The following BRINP1 variants were observed in gnomAD, a reference collection of about 807,000 sequenced individuals.
BRINP1 encodes BMP/retinoic acid-inducible neural-specific protein 1.
BRINP1 carries 17 observed loss-of-function variants against 72.9 expected under a neutral mutation model. The observed-to-expected ratio is 0.23, with a 90% CI of 0.16 to 0.35. BRINP1 has a LOEUF of 0.35. BRINP1 is among the 10% of genes least tolerant of loss of function. BRINP1 has a pLI of 1.00. For missense variants in BRINP1, 850 were observed against 1,001.6 expected (o/e 0.85, Z 2.04); for synonymous variants, 418 against 378.5 (o/e 1.10, Z -1.21).
At chr9:119,171,935 G>A (rs1381837928) in intron 7 of BRINP1, among the ~76,000 whole-genome samples, 17 of 127,568 alleles carry the variant, frequency 1.3e-4, no homozygotes, top group African/African-American at 3.6e-4. Context: ...TGAAACCAAC[G>A]AGAACAAAGA....
At chr9:119,241,868 G>C (rs1023287466) in intron 4 of BRINP1, among the ~76,000 whole-genome samples, 179 bp downstream of exon 4, 1 of 152,188 alleles carries the variant, frequency 6.6e-6, no homozygotes, top group African/African-American at 2.4e-5. Flanking sequence ...GAATGACAGT[G>C]CACATTGATA....
intron 7 of BRINP1, among the ~76,000 whole-genome samples, chr9:119,208,131 A>T (rs190076579): frequency 2.4e-4 from 37 of 152,256 alleles, no homozygotes; most frequent in African/African-American, 7.9e-4. Context: ...TACCCGGTAT[A>T]TCCAGGACAT....
chr9:119,323,893 C>A (rs926978369), intron 1 of BRINP1, among the ~76,000 whole-genome samples: 1 of 152,126 alleles, frequency 6.6e-6, no homozygotes, highest in Non-Finnish European at 1.5e-5. Flanking sequence ...TTGTAATATA[C>A]TGAACTAGAC....
chr9:119,263,278 G>A (rs1241509269), intron 2 of BRINP1, among the ~76,000 whole-genome samples: 1 of 152,142 alleles, frequency 6.6e-6, no homozygotes, highest in East Asian at 1.9e-4. Flanking sequence ...AAGCTCCCAG[G>A]TGACTCTTCT....
intron 1 of BRINP1, among the ~76,000 whole-genome samples, chr9:119,332,741 A>C (rs1831312070): frequency 6.6e-6 from 1 of 152,134 alleles, no homozygotes; most frequent in Non-Finnish European, 1.5e-5. Flanking sequence ...TTCCCCACTG[A>C]ACTGCAGGAG....
At chr9:119,217,521 C>T (rs2183965) in intron 5 of BRINP1, among the ~76,000 whole-genome samples, 71,767 of 151,936 alleles carry the variant, frequency 0.47, 17,629 homozygotes, top group Middle Eastern at 0.69. Flanking sequence ...TTCTCCCAAT[C>T]TTTTTATATA....
At chr9:119,366,513 T>G (rs1269089768) in intron 1 of BRINP1, among the ~76,000 whole-genome samples, 3 of 32,922 alleles carry the variant, frequency 9.1e-5, no homozygotes, top group Non-Finnish European at 2.1e-4. Context: ...CGTGTGTGTG[T>G]GTGTGTGTGT....
At chr9:119,306,598 T>TA (rs1831000121) in intron 2 of BRINP1, among the ~76,000 whole-genome samples, 1 of 152,248 alleles carries the variant, frequency 6.6e-6, no homozygotes, top group African/African-American at 2.4e-5. Flanking sequence ...ACACTTGGTC[T>TA]AAGCCGGTTT....
At chr9:119,304,329 T>C (rs1303830871) in intron 2 of BRINP1, among the ~76,000 whole-genome samples, 4 of 152,182 alleles carry the variant, frequency 2.6e-5, no homozygotes, top group African/African-American at 9.7e-5. Context: ...AGGATTCAAA[T>C]TAAGGTCTGC....
chr9:119,175,777 T>TTCAAG (rs1445212341), intron 7 of BRINP1, among the ~76,000 whole-genome samples: 1 of 152,160 alleles, frequency 6.6e-6, no homozygotes, highest in Non-Finnish European at 1.5e-5. Flanking sequence ...CTTTTTTCCA[T>TTCAAG]TCAAGTCACC....
At chr9:119,189,181 T>A (rs1829657702) in intron 7 of BRINP1, among the ~76,000 whole-genome samples, 1 of 151,380 alleles carries the variant, frequency 6.6e-6, no homozygotes, top group African/African-American at 2.4e-5. Context: ...ATTACAGAGA[T>A]ACACAAATGA....
intron 5 of BRINP1, among the ~76,000 whole-genome samples, chr9:119,226,652 T>C (rs1179752738): frequency 1.7e-5 from 2 of 116,012 alleles, no homozygotes; most frequent in Admixed American, 1.0e-4. Context: ...CAAAGCCTAG[T>C]ATCATCTATT....
chr9:119,342,903 T>C (rs1831418619), intron 1 of BRINP1, among the ~76,000 whole-genome samples: 1 of 152,200 alleles, frequency 6.6e-6, no homozygotes, highest in Non-Finnish European at 1.5e-5. Flanking sequence ...AAATCCTAGG[T>C]GTTCTATTAT....
At chr9:119,249,784 CCAGA>C (rs1326643665) in intron 2 of BRINP1, among the ~76,000 whole-genome samples, 1 of 129,026 alleles carries the variant, frequency 7.8e-6, no homozygotes, top group African/African-American at 3.0e-5. Flanking sequence ...CATGATAATG[CCAGA>C]CAGAGAAATA....
At chr9:119,303,884 T>C (rs1830966467) in intron 2 of BRINP1, among the ~76,000 whole-genome samples, 1 of 151,246 alleles carries the variant, frequency 6.6e-6, no homozygotes, top group South Asian at 2.1e-4. Flanking sequence ...TCTTTTTTTT[T>C]TTTTTTTAAT....
At chr9:119,288,833 C>T (rs367576484) in intron 2 of BRINP1, among the ~76,000 whole-genome samples, 5 of 152,048 alleles carry the variant, frequency 3.3e-5, no homozygotes, top group African/African-American at 1.2e-4. Flanking sequence ...CTCTTGTTGC[C>T]CAGGCTGGAG....
intron 2 of BRINP1, among the ~76,000 whole-genome samples, chr9:119,255,835 G>C (rs536451806): frequency 6.8e-4 from 103 of 151,880 alleles, no homozygotes; most frequent in African/African-American, 2.3e-3. Flanking sequence ...TGCGCCTGTA[G>C]TCCCAGCTAC....
intron 2 of BRINP1, among the ~76,000 whole-genome samples, chr9:119,271,695 G>A (rs77108645): frequency 0.024 from 3,593 of 152,054 alleles, 114 homozygotes; most frequent in African/African-American, 0.08. Flanking sequence ...AAAGAGAGAA[G>A]GAGGAAGAAA....
chr9:119,319,930 C>A (rs935184247), intron 1 of BRINP1, among the ~76,000 whole-genome samples: 5 of 152,160 alleles, frequency 3.3e-5, no homozygotes, highest in Non-Finnish European at 7.3e-5. Flanking sequence ...GAGTCACACC[C>A]AAGTGTGAAC....
Sources: allele counts gnomAD v4.1 joint callset (sites outside exome capture counted in the v4.1 genomes callset), GRCh38; gene constraint gnomAD v4.1.1; transcripts MANE v1.5; gene names NCBI Gene and HGNC (gene_info 2026-07-23, HGNC 2026-07-21).